Variants in APBB2 observed in about 807,000 individuals in gnomAD.
APBB2 encodes the protein Fe65-like 1.
In APBB2, 38 loss-of-function variants were observed where a neutral mutation model predicts 82.5. The ratio of observed to expected loss-of-function variants is 0.46; its 90% CI spans 0.36 to 0.60. APBB2 has a LOEUF of 0.60. Ranked by LOEUF, APBB2 falls within the 20% of genes least tolerant of loss-of-function variation. APBB2 has a pLI of 0.00. For synonymous variants in APBB2, 341 were observed against 368.2 expected (o/e 0.93, Z 0.85); for missense variants, 772 against 972.3 (o/e 0.79, Z 2.74).
chr4:40,823,424 A>G lies in APBB2; in HGVS notation c.1932+220T>C, dbSNP rs559039351. Among the ~76,000 whole-genome samples, 3 of 152,322 alleles carry G rather than the reference A, an allele frequency of 2.0e-5. No homozygotes were observed. In the East Asian group the frequency reaches 5.8e-4, roughly 29 times the overall value. ...TCTCTGGGGCACATGAGGAAGACAG[A>G]ATCAGAAGCACCAGAAGAGAAGTTT... On this transcript the variant is annotated intron_variant, in intron 16 of 17. Coordinates refer to ENST00000508593, the MANE Select transcript of APBB2 (RefSeq NM_004307.2).
intron 3 of APBB2, among the ~76,000 whole-genome samples, chr4:41,092,114 A>C (rs183122972): frequency 1.3e-5 from 2 of 152,354 alleles, no homozygotes; most frequent in Admixed American, 6.5e-5. Flanking sequence ...TTCAAACAAC[A>C]GACATGCATC....
chr4:40,952,031 C>T (rs915697682), intron 6 of APBB2, among the ~76,000 whole-genome samples: 1 of 151,730 alleles, frequency 6.6e-6, no homozygotes, highest in African/African-American at 2.4e-5. Flanking sequence ...ACCAAAAATG[C>T]AAAAATTAGC....
At chr4:41,214,016 G>A (rs953480778) in intron 1 of APBB2, among the ~76,000 whole-genome samples, 3 of 152,200 alleles carry the variant, frequency 2.0e-5, no homozygotes, top group African/African-American at 7.2e-5. Context: ...CCCCACCCGG[G>A]CGCACCGCCT....
At chr4:40,919,403 C>T (rs1031964459) in intron 10 of APBB2, among the ~76,000 whole-genome samples, 3 of 152,212 alleles carry the variant, frequency 2.0e-5, no homozygotes, top group African/African-American at 4.8e-5. Flanking sequence ...GCATTTCTCA[C>T]GTCATCAGGT....
intron 1 of APBB2, among the ~76,000 whole-genome samples, chr4:41,151,725 C>G (rs1474186202): frequency 2.6e-5 from 4 of 151,490 alleles, no homozygotes; most frequent in Non-Finnish European, 4.4e-5. Context: ...AGCTCTCAGT[C>G]TGATAAACAA....
chr4:41,053,200 T>G (rs1358143759), intron 4 of APBB2, among the ~76,000 whole-genome samples: 1 of 152,224 alleles, frequency 6.6e-6, no homozygotes, highest in Non-Finnish European at 1.5e-5. Flanking sequence ...CTATATGATG[T>G]GCAAAATTCT....
At chr4:41,053,980 CTTAAT>C (rs1195597678) in intron 4 of APBB2, among the ~76,000 whole-genome samples, 19 of 152,250 alleles carry the variant, frequency 1.2e-4, no homozygotes, top group Admixed American at 9.8e-4. Flanking sequence ...TTCATATCTG[CTTAAT>C]TTAACAGTCC....
rs371607683 is a variant in APBB2, at chr4:40,960,446, G to GTTTTTTTTTTTTTTTTTTTTTTT, written c.836-15374_836-15373insAAAAAAAAAAAAAAAAAAAAAAA. 6.6e-5 allele frequency among the ~76,000 whole-genome samples: 8 copies of GTTTTTTTTTTTTTTTTTTTTTTT among 120,544 alleles called. 4 individuals are homozygous for GTTTTTTTTTTTTTTTTTTTTTTT. The highest frequency in any genetic ancestry group is 5.2e-4 in the South Asian group (2 of 3,876). The allele number at this position is 120,544 out of a possible 152,430, so 79.1% of individuals were successfully genotyped here. ...CATCAAAAACAGAAATTTTTTTTCGGGTTTTTTTTTTTTTTTTTTGAGACG... is the reference window on the plus strand; with the variant it reads ...CATCAAAAACAGAAATTTTTTTTCGGTTTTTTTTTTTTTTTTTTTTTTTGTTTTTTTTTTTTTTTTTTGAGACG... On this transcript the variant is annotated intron_variant, in intron 6 of 17. Transcript: ENST00000508593.
At chr4:41,080,622 C>G (rs774839700) in intron 3 of APBB2, among the ~76,000 whole-genome samples, 2 of 151,880 alleles carry the variant, frequency 1.3e-5, no homozygotes, top group African/African-American at 4.8e-5. Context: ...AGAGATCAAT[C>G]CCTCAGTCAC....
chr4:41,073,170 C>T (rs1173675857), intron 3 of APBB2, among the ~76,000 whole-genome samples: 5 of 152,172 alleles, frequency 3.3e-5, no homozygotes, highest in African/African-American at 4.8e-5. Context: ...ATTATTTCCA[C>T]AGAACATTCT....
chr4:41,102,270 A>G (rs1745733497), intron 2 of APBB2, among the ~76,000 whole-genome samples: 1 of 152,206 alleles, frequency 6.6e-6, no homozygotes, highest in Admixed American at 6.5e-5. Flanking sequence ...TGCAAACACC[A>G]TAAGCATCAT....
intron 1 of APBB2, among the ~76,000 whole-genome samples, chr4:41,166,494 C>T (rs570116935): frequency 1.6e-4 from 25 of 151,692 alleles, no homozygotes; most frequent in South Asian, 4.2e-4. Flanking sequence ...GGAAGGATCA[C>T]GTGAGTCCAG....
intron 12 of APBB2, among the ~76,000 whole-genome samples, chr4:40,846,930 TCA>T (rs1450700853): frequency 3.3e-5 from 5 of 151,776 alleles, no homozygotes; most frequent in Non-Finnish European, 7.4e-5. Flanking sequence ...CTGTGCTATA[TCA>T]CAGATTAAAA....
intron 12 of APBB2, among the ~76,000 whole-genome samples, chr4:40,834,548 C>T (rs1264962192): frequency 6.6e-6 from 1 of 152,222 alleles, no homozygotes; most frequent in Non-Finnish European, 1.5e-5. Flanking sequence ...GTCATGATCC[C>T]TCCCCACATC....
chr4:41,162,255 T>A (rs140297504), intron 1 of APBB2, among the ~76,000 whole-genome samples: 2 of 151,736 alleles, frequency 1.3e-5, no homozygotes, highest in Non-Finnish European at 2.9e-5. Context: ...AGATTGTGTA[T>A]TGAATCACAG....
At chr4:41,146,946 A>T (rs1020365444) in intron 1 of APBB2, among the ~76,000 whole-genome samples, 1 of 152,198 alleles carries the variant, frequency 6.6e-6, no homozygotes, top group African/African-American at 2.4e-5. Context: ...CTCAACTGAG[A>T]AGTCAGGCGC....
chr4:41,193,678 C>A, intron 1 of APBB2: 2 of 429,154 alleles, frequency 4.7e-6, no homozygotes, highest in Non-Finnish European at 6.2e-6. Context: ...AGAACCACCA[C>A]TGCTGCTGTT....
At chr4:40,973,913 G>A (rs1449595090) in intron 6 of APBB2, among the ~76,000 whole-genome samples, 4 of 150,464 alleles carry the variant, frequency 2.7e-5, no homozygotes, top group South Asian at 2.1e-4. Flanking sequence ...GTGCAGTGGC[G>A]CGATCTCGGC....
At chr4:40,964,753 A>AACACACACACACACACACAC (rs61087697) in intron 6 of APBB2, among the ~76,000 whole-genome samples, 42,638 of 139,446 alleles carry the variant, frequency 0.31, 7,470 homozygotes, top group Non-Finnish European at 0.39. Context: ...CCATTGAATA[A>AACACACACACACACACACAC]ACACACACAC....
Sources: allele counts gnomAD v4.1 joint callset (sites outside exome capture counted in the v4.1 genomes callset), GRCh38; gene constraint gnomAD v4.1.1; transcripts MANE v1.5; gene names NCBI Gene and HGNC (gene_info 2026-07-23, HGNC 2026-07-21).